TPCN1: variants seen among roughly 807,000 people sequenced by gnomAD.
The protein encoded by TPCN1 is two pore segment channel 1.
A neutral mutation model predicts 108.8 loss-of-function variants in TPCN1; 52 were observed. The ratio of observed to expected loss-of-function variants is 0.48; its 90% confidence interval spans 0.38 to 0.60. TPCN1 has a LOEUF of 0.60. Ranked by LOEUF, TPCN1 falls within the 20% of genes least tolerant of loss-of-function variation. The probability of loss-of-function intolerance (pLI) is 0.00; values close to 1 mark genes in which losing one functional copy is unlikely to be tolerated. For synonymous variants in TPCN1, 446 were observed against 433.7 expected (o/e 1.03, Z -0.35); for missense variants, 806 against 1,072.8 (o/e 0.75, Z 3.47).
chr12:113,292,938 T>C lies in TPCN1; in HGVS notation c.2118T>C (p.Asp706=), dbSNP rs1257303728. 6.2e-7 allele frequency: 1 copy of C among 1,611,838 alleles called. No individual in the cohort carries two copies. Among genetic ancestry groups the C allele is most frequent in the Non-Finnish European group, 8.5e-7 (1 of 1,179,544 alleles). The change falls in exon 26 of 28, where the codon GAT becomes GAC. Residue 706 remains aspartate, a synonymous_variant. Coordinates refer to ENST00000335509, the MANE Select transcript of TPCN1 (RefSeq NM_017901.6). The part of the protein sequence containing the change: ...YSRKNQDSEV[D]GGITLEKEIS... ...ACCTGCCTTCCATCCCTGCAGTTGA[T>C]GGTGGCATCACCCTTGAGAAGGAAA...
At chr12:113,238,422 G>A (rs1482325106) in intron 2 of TPCN1, among the ~76,000 whole-genome samples, 1 of 152,214 alleles carries the variant, frequency 6.6e-6, no homozygotes, top group African/African-American at 2.4e-5. Context: ...CCACGTGGGT[G>A]TGACCCCTGC....
Position 113,273,233 on chromosome 12 carries a change from A to T in TPCN1, c.785A>T (p.Tyr262Phe). The T allele has an allele frequency of 6.2e-7, 1 of 1,614,148 alleles. No homozygotes were observed. Among genetic ancestry groups the T allele is most frequent in the Non-Finnish European group, 8.5e-7 (1 of 1,180,006 alleles). The change falls in exon 9 of 28, where the codon TAC (tyrosine) becomes TTC (phenylalanine). Residue 262 changes from tyrosine to phenylalanine, a missense_variant and splice_region_variant. Coordinates refer to ENST00000335509, the MANE Select transcript of TPCN1 (RefSeq NM_017901.6). The surrounding 1 kb of genome is among the most constrained non-coding windows in gnomAD (Gnocchi z 4.0). Reference sequence around the variant, plus strand: ...TCTCTGCCCTCTCTTCCCTTGCAGTACTTCAGCACCCTGGAGAACAGCATC... The same window carrying T: ...TCTCTGCCCTCTCTTCCCTTGCAGTTCTTCAGCACCCTGGAGAACAGCATC... ...YLFSPNPSDP[Y>F]FSTLENSIVS... is the part of the protein sequence containing the mutation.
intron 2 of TPCN1, among the ~76,000 whole-genome samples, chr12:113,236,532 C>T (rs764828756): frequency 5.4e-4 from 81 of 151,338 alleles, no homozygotes; most frequent in Non-Finnish European, 9.4e-4. Flanking sequence ...ATGGCATAGG[C>T]TGAAGTAAGG....
chr12:113,268,673 C>T lies in TPCN1; in HGVS notation c.529-69C>T. 1 of 1,587,928 alleles carries T rather than the reference C, an allele frequency of 6.3e-7. No individual in the cohort carries two copies. Among genetic ancestry groups the T allele is most frequent in the Non-Finnish European group, 8.6e-7 (1 of 1,167,240 alleles). ...GAGTGGGCACTGCCTCTCCAGCCCCCCGTTCCAGGTATGCAGGATGACGGC... is the reference window on the plus strand; with the variant it reads ...GAGTGGGCACTGCCTCTCCAGCCCCTCGTTCCAGGTATGCAGGATGACGGC... On this transcript the variant is annotated intron_variant, in intron 5 of 27. Transcript: ENST00000335509. The surrounding 1 kb of genome is among the most constrained non-coding windows in gnomAD (Gnocchi z 7.3).
At chr12:113,252,999 C>A (rs1194571814) in intron 2 of TPCN1, among the ~76,000 whole-genome samples, 1 of 152,170 alleles carries the variant, frequency 6.6e-6, no homozygotes, top group Non-Finnish European at 1.5e-5. Flanking sequence ...GTCCTTTTGG[C>A]ACTAACTACC....
At chr12:113,259,116 A>C (rs1298070001) in intron 2 of TPCN1, among the ~76,000 whole-genome samples, 3 of 151,728 alleles carry the variant, frequency 2.0e-5, no homozygotes, top group Non-Finnish European at 4.4e-5. Context: ...AGCTGGGATT[A>C]CAGGCACCTT....
chr12:113,274,779 G>C (rs1955618016), intron 10 of TPCN1, among the ~76,000 whole-genome samples: 1 of 152,238 alleles, frequency 6.6e-6, no homozygotes, highest in Non-Finnish European at 1.5e-5. Flanking sequence ...CAGAGTGACA[G>C]TGTGATTTGC....
intron 3 of TPCN1, among the ~76,000 whole-genome samples, chr12:113,261,296 C>T (rs1341988929): frequency 6.7e-6 from 1 of 149,456 alleles, no homozygotes; most frequent in Admixed American, 6.7e-5. Context: ...TCACTGTCAA[C>T]ATTATTTCCT....
chr12:113,271,561 C>T (rs1045894111), intron 7 of TPCN1, among the ~76,000 whole-genome samples: 3 of 152,232 alleles, frequency 2.0e-5, no homozygotes, highest in African/African-American at 7.2e-5. Flanking sequence ...CTACACATTG[C>T]CCTTTCGCTC....
chr12:113,285,217 G>A (rs1026445933), intron 17 of TPCN1, among the ~76,000 whole-genome samples: 4 of 152,198 alleles, frequency 2.6e-5, no homozygotes, highest in Admixed American at 1.3e-4. Context: ...CTCCCACCTA[G>A]CTGATAAGCT....
At chr12:113,286,060 C>T (rs1956064904) in intron 18 of TPCN1, 99 bp downstream of exon 18, 1 of 1,102,154 alleles carries the variant, frequency 9.1e-7, no homozygotes, top group East Asian at 2.4e-5. Context: ...TCTGGAATCG[C>T]AGAGGGAGGG....
rs1384119012 is a variant in TPCN1, at chr12:113,244,493, A to C, written c.113-15875A>C. ...AGAAGGCCTGAGCAGGGGGATGTGC[A>C]TTTTGCTTTCTTTCGGCGTAGCATC... On this transcript the variant is annotated intron_variant, in intron 2 of 27. Coordinates refer to ENST00000335509, the MANE Select transcript of TPCN1 (RefSeq NM_017901.6). 2.4e-5 allele frequency: 24 copies of C among 985,370 alleles called. 1 individual carries two copies. The South Asian group carries it at 1.1e-3, about 46-fold the overall frequency. 61.0% of individuals were successfully genotyped at this position (985,370 alleles called of 1,614,324 possible).
chr12:113,292,697 C>T (rs780834317), intron 25 of TPCN1: 4 of 464,542 alleles, frequency 8.6e-6, no homozygotes, highest in Admixed American at 3.8e-5. Flanking sequence ...TTAGAGGCCC[C>T]TTCCTGAAAC....
At chr12:113,281,511 C>T (rs573896836) in intron 15 of TPCN1, among the ~76,000 whole-genome samples, 1 of 152,298 alleles carries the variant, frequency 6.6e-6, no homozygotes, top group South Asian at 2.1e-4. Context: ...TTACTAGAAA[C>T]ATCATTCCAA....
intron 2 of TPCN1, among the ~76,000 whole-genome samples, chr12:113,259,678 T>C (rs2136571388): frequency 6.6e-6 from 1 of 152,328 alleles, no homozygotes; most frequent in Non-Finnish European, 1.5e-5. Flanking sequence ...CAAGTTCAGC[T>C]GTCACTGGCT....
chr12:113,224,465 C>T (rs1224857921), intron 1 of TPCN1, among the ~76,000 whole-genome samples: 2 of 151,862 alleles, frequency 1.3e-5, no homozygotes, highest in East Asian at 1.9e-4. Context: ...GGTGCAATCT[C>T]GGCTCACTGC....
At chr12:113,227,014 G>A (rs748220655) in intron 2 of TPCN1, 50 bp downstream of exon 2, 2 of 1,508,994 alleles carry the variant, frequency 1.3e-6, no homozygotes, top group East Asian at 4.5e-5. Context: ...TGTTTCAGAG[G>A]CTGAGAGGTG....
At chr12:113,245,982 G>A (rs765929489) in intron 2 of TPCN1, 71 of 455,992 alleles carry the variant, frequency 1.6e-4, no homozygotes, top group Non-Finnish European at 2.7e-4. Context: ...CCGATGTGGC[G>A]TGCAAAGCAG....
intron 2 of TPCN1, among the ~76,000 whole-genome samples, chr12:113,245,526 G>A (rs1478494259): frequency 4.3e-5 from 6 of 139,002 alleles, no homozygotes; most frequent in Non-Finnish European, 1.5e-5. Context: ...GCGTGAGCCC[G>A]GGAGGCGGAG....
Sources: gnomAD v4.1 joint callset for allele counts (sites outside exome capture counted in the v4.1 genomes callset) on GRCh38, gnomAD v4.1.1 for gene constraint, Gnocchi (gnomAD v3.1) non-coding constraint, MANE v1.5 for transcripts, NCBI Gene and HGNC (gene_info 2026-07-23, HGNC 2026-07-21) for gene names.